Variants in RBFOX1 observed in about 807,000 individuals in gnomAD.
RBFOX1 encodes the protein RNA binding fox-1 homolog 1.
A neutral mutation model predicts 57.7 loss-of-function variants in RBFOX1; 8 were observed. The ratio of observed to expected loss-of-function variants is 0.14; its 90% CI spans 0.08 to 0.25. RBFOX1 has a LOEUF of 0.25. Among genes scored for constraint, RBFOX1 ranks in the 10% least tolerant of loss-of-function variants. The probability of loss-of-function intolerance (pLI) is 1.00; values close to 1 mark genes in which losing one functional copy is unlikely to be tolerated. For missense variants in RBFOX1, 611 were observed against 548.5 expected (o/e 1.11, Z -1.14); for synonymous variants, 326 against 222.4 (o/e 1.47, Z -4.15).
At chr16:6,357,037 G>C (rs2087455057) in intron 2 of RBFOX1, among the ~76,000 whole-genome samples, 1 of 152,078 alleles carries the variant, frequency 6.6e-6, no homozygotes, top group Non-Finnish European at 1.5e-5. Context: ...CTGCTGTCCT[G>C]CACCCGGGGA....
intron 4 of RBFOX1, among the ~76,000 whole-genome samples, chr16:7,064,776 A>G (rs576169515): frequency 4.6e-5 from 7 of 152,186 alleles, no homozygotes; most frequent in Non-Finnish European, 1.0e-4. Context: ...CTAACCAACA[A>G]AAAGCCCCCC....
chr16:5,485,345 C>CACAAAAAAAAAAAA (rs2069692434), intron 2 of RBFOX1, among the ~76,000 whole-genome samples: 1 of 51,692 alleles, frequency 1.9e-5, no homozygotes, highest in African/African-American at 6.9e-5. Flanking sequence ...GACTCCGTGT[C>CACAAAAAAAAAAAA]AAAAAAAAAA....
chr16:5,778,194 G>T (rs903171091), intron 3 of RBFOX1, among the ~76,000 whole-genome samples: 1 of 152,168 alleles, frequency 6.6e-6, no homozygotes, highest in African/African-American at 2.4e-5. Flanking sequence ...TGGCAATAGT[G>T]ACTTGGTTGA....
chr16:6,831,762 C>T (rs924222706), intron 3 of RBFOX1, among the ~76,000 whole-genome samples: 2 of 152,112 alleles, frequency 1.3e-5, no homozygotes, highest in African/African-American at 4.8e-5. Context: ...ATTATTTATT[C>T]CATTTCCACA....
At chr16:6,177,569 T>C (rs971941150) in intron 1 of RBFOX1, among the ~76,000 whole-genome samples, 1 of 152,174 alleles carries the variant, frequency 6.6e-6, no homozygotes, top group Non-Finnish European at 1.5e-5. Flanking sequence ...TGGATTTCTA[T>C]CCTGTTTCAT....
At chr16:7,705,358 A>T (rs2082094408) in intron 14 of RBFOX1, among the ~76,000 whole-genome samples, 3 of 152,018 alleles carry the variant, frequency 2.0e-5, no homozygotes, top group Admixed American at 1.3e-4. Flanking sequence ...TAGAAAAATT[A>T]GCTGGGTGTG....
At chr16:6,574,061 C>G (rs1208367123) in intron 2 of RBFOX1, among the ~76,000 whole-genome samples, 1 of 152,180 alleles carries the variant, frequency 6.6e-6, no homozygotes, top group Non-Finnish European at 1.5e-5. Context: ...AACCCTGTTC[C>G]CCTTTCAAGA....
chr16:7,657,867 A>G (rs1269986181), intron 12 of RBFOX1, among the ~76,000 whole-genome samples: 2 of 152,212 alleles, frequency 1.3e-5, no homozygotes, highest in Non-Finnish European at 2.9e-5. Context: ...CATCAATTGA[A>G]TGAGACTGAA....
intron 3 of RBFOX1, among the ~76,000 whole-genome samples, chr16:5,720,581 G>A (rs1285935255): frequency 6.6e-6 from 1 of 152,066 alleles, no homozygotes; most frequent in East Asian, 1.9e-4. Flanking sequence ...TTCCGTTTAG[G>A]TCTATGATCC....
intron 3 of RBFOX1, among the ~76,000 whole-genome samples, chr16:5,711,902 C>A (rs1219424608): frequency 6.6e-6 from 1 of 152,174 alleles, no homozygotes; most frequent in Non-Finnish European, 1.5e-5. Context: ...GGACCATTGA[C>A]CTGCTATGCA....
intron 3 of RBFOX1, among the ~76,000 whole-genome samples, chr16:6,945,540 C>T (rs2079334903): frequency 6.6e-6 from 1 of 151,904 alleles, no homozygotes; most frequent in Non-Finnish European, 1.5e-5. Flanking sequence ...TGTAAAGCCA[C>T]ATCTGTGACT....
At position 7,204,661 on chromosome 16, in the gene RBFOX1, A is replaced by G. The variant is rs2089527924; in HGVS notation, c.27+152563A>G. On this transcript the variant is annotated intron_variant, in intron 4 of 15. Transcript: ENST00000550418. ...ACTGTGTCTTAAGAAAATAAAAATG[A>G]AAAAGTTCCTCACTGTTCTAAGACA... Among the ~76,000 whole-genome samples the G allele has an allele frequency of 3.3e-5, 5 of 152,260 alleles. No homozygotes were observed. The South Asian group carries it at 8.3e-4, about 25-fold the overall frequency.
At chr16:5,552,649 G>A (rs1287026311) in intron 2 of RBFOX1, among the ~76,000 whole-genome samples, 1 of 152,140 alleles carries the variant, frequency 6.6e-6, no homozygotes, top group Non-Finnish European at 1.5e-5. Flanking sequence ...CAGTAAAATA[G>A]AATTGGAAAC....
chr16:7,093,128 C>T (rs531977612), intron 4 of RBFOX1, among the ~76,000 whole-genome samples: 30 of 152,286 alleles, frequency 2.0e-4, no homozygotes, highest in African/African-American at 5.8e-4. Flanking sequence ...ACTTCTTTTA[C>T]CCCAGTGAAT....
At chr16:7,547,981 C>G (rs2085097666) in intron 5 of RBFOX1, among the ~76,000 whole-genome samples, 1 of 152,194 alleles carries the variant, frequency 6.6e-6, no homozygotes, top group African/African-American at 2.4e-5. Context: ...AGGCCCATCT[C>G]AGCATTTGCC....
intron 1 of RBFOX1, among the ~76,000 whole-genome samples, chr16:6,155,683 A>G (rs1175839053): frequency 6.6e-6 from 1 of 152,194 alleles, no homozygotes. Context: ...TCCGAGTACA[A>G]TGACCCAGAC....
intron 3 of RBFOX1, among the ~76,000 whole-genome samples, chr16:5,854,930 G>C (rs1204324427): frequency 1.3e-5 from 2 of 152,176 alleles, no homozygotes; most frequent in African/African-American, 4.8e-5. Flanking sequence ...ACAAGTGTGA[G>C]GTGATACCTC....
intron 14 of RBFOX1, among the ~76,000 whole-genome samples, chr16:7,681,989 A>G (rs2074883326): frequency 1.3e-5 from 2 of 152,188 alleles, no homozygotes. Flanking sequence ...AGGCCAGTTC[A>G]AGACCTGGCA....
At chr16:5,967,295 A>G (rs9931966) in intron 4 of RBFOX1, among the ~76,000 whole-genome samples, 6,680 of 152,246 alleles carry the variant, frequency 0.044, 468 homozygotes, top group African/African-American at 0.15. Flanking sequence ...TTTTTATACT[A>G]TGTATACATT....
Sources: gnomAD v4.1 joint callset for allele counts (sites outside exome capture counted in the v4.1 genomes callset) on GRCh38, gnomAD v4.1.1 for gene constraint, MANE v1.5 for transcripts, NCBI Gene and HGNC (gene_info 2026-07-23, HGNC 2026-07-21) for gene names.